The following PPP2R3C variants were observed in gnomAD, a reference collection of about 807,000 sequenced individuals.
PPP2R3C encodes the protein serine/threonine-protein phosphatase 2A regulatory subunit B'' subunit gamma.
Under a neutral mutation model 63.7 loss-of-function variants are expected in PPP2R3C, and 47 were observed. That is an observed-to-expected ratio of 0.74 (90% CI 0.58 to 0.94). The LOEUF (loss-of-function observed/expected upper bound fraction) is 0.94, where lower values mean the gene tolerates loss of function less well. PPP2R3C is among the 40% of genes least tolerant of loss of function. PPP2R3C has a pLI of 0.00. For missense variants in PPP2R3C, 421 were observed against 518.4 expected, an observed-to-expected ratio of 0.81 and a Z score of 1.82; for synonymous variants, 180 against 177.4, an observed-to-expected ratio of 1.01 and a Z score of -0.12.
At position 35,099,218 on chromosome 14, in the gene PPP2R3C, C is replaced by T. The variant is rs76597992; in HGVS notation, c.706+34G>A. The T allele has an allele frequency of 8.1e-3, 12,194 of 1,500,400 alleles. 54 individuals are homozygous for T. Among genetic ancestry groups the T allele is most frequent in the Non-Finnish European group, 0.01 (11,331 of 1,130,156 alleles). 92.9% of individuals were successfully genotyped at this position (1,500,400 alleles called of 1,614,324 possible). ...TGAGATTTAGATATAATAATATCCT[C>T]ATAATATCTAAGTTAGATAAGATTT... On this transcript the variant is annotated intron_variant, in intron 7 of 12. Transcript: ENST00000261475.
chr14:35,085,730 G>T lies in PPP2R3C; in HGVS notation c.1222C>A (p.Leu408Ile), dbSNP rs2045570705. Reference protein sequence around the residue: ...VKPKDPLKISLQDLINSNQGD... With the variant: ...VKPKDPLKISIQDLINSNQGD... Reference sequence around the variant, plus strand: ...TGATTACTGTTGATTAAATCCTGAAGAGAGATTTTCAAAGGATCCTTTGGT... The same window carrying T: ...TGATTACTGTTGATTAAATCCTGAATAGAGATTTTCAAAGGATCCTTTGGT... The change falls in exon 13 of 13, where the codon CTT becomes ATT. Residue 408 changes from leucine to isoleucine, a missense_variant. Transcript: ENST00000261475. 1 of 1,611,278 alleles carries T rather than the reference G, an allele frequency of 6.2e-7. No homozygotes were observed. Among genetic ancestry groups the T allele is most frequent in the South Asian group, 1.1e-5 (1 of 90,582 alleles).
chr14:35,100,109 TAC>T (rs1465484365), intron 6 of PPP2R3C: 2 of 152,058 alleles, frequency 1.3e-5, no homozygotes. Context: ...TAATATATTT[TAC>T]AGTTATTCCA....
Position 35,091,076 on chromosome 14 carries a change from G to T in PPP2R3C, c.1107C>A (p.Phe369Leu), listed in dbSNP as rs542312104. The T allele has an allele frequency of 3.1e-6, 5 of 1,601,614 alleles. No homozygotes were observed. Among genetic ancestry groups the T allele is most frequent in the Admixed American group, 1.7e-5 (1 of 58,720 alleles). The change falls in exon 11 of 13, where the codon TTC (phenylalanine) becomes TTA (leucine). Residue 369 changes from phenylalanine to leucine, a missense_variant. Coordinates refer to ENST00000261475, the MANE Select transcript of PPP2R3C (RefSeq NM_017917.4). Reference protein sequence around the residue: ...GYLNVFSLNYFFRAIQELMKI... With the variant: ...GYLNVFSLNYLFRAIQELMKI... ...TTATGCAAATGAGACTTACCCTAAAGAAATAATTAAGTGAAAAGACATTCA... is the reference window on the plus strand; with the variant it reads ...TTATGCAAATGAGACTTACCCTAAATAAATAATTAAGTGAAAAGACATTCA...
chr14:35,095,047 C>T lies in PPP2R3C; in HGVS notation c.975+1G>A. 1.9e-6 allele frequency: 3 copies of T among 1,603,108 alleles called. No homozygotes were observed. The highest frequency in any genetic ancestry group is 2.6e-6 in the Non-Finnish European group (3 of 1,170,300). ...ACTTAGCAGCAGATTTAAACTACTA[C>T]CATTTCTCCATCATAAGTGAGACAC... On this transcript the variant is annotated splice_donor_variant, in intron 10 of 12. Transcript: ENST00000261475. LOFTEE classifies it high-confidence loss of function.
chr14:35,090,304 C>T (rs976015448), intron 11 of PPP2R3C, among the ~76,000 whole-genome samples: 2 of 144,088 alleles, frequency 1.4e-5, no homozygotes, highest in South Asian at 2.2e-4. Context: ...TGCAGTGACG[C>T]GATTTCAGCT....
intron 12 of PPP2R3C, chr14:35,087,524 C>T (rs568106036): frequency 3.7e-4 from 61 of 165,732 alleles, no homozygotes; most frequent in Admixed American, 1.0e-3. Context: ...CTCAGCCTCC[C>T]GAGTAGCCGG....
chr14:35,085,727 GAAGAGAGAT>G lies in PPP2R3C; in HGVS notation c.1216_1224del (p.Ile406_Leu408del). On this transcript the variant is annotated inframe_deletion, in exon 13 of 13. Coordinates refer to ENST00000261475, the MANE Select transcript of PPP2R3C (RefSeq NM_017917.4). ...CCTTGATTACTGTTGATTAAATCCT[GAAGAGAGAT>G]TTTCAAAGGATCCTTTGGTTTTACC... is the stretch of plus-strand genomic sequence containing the variant. 6.2e-7 allele frequency: 1 copy of G among 1,611,312 alleles called. No individual in the cohort carries two copies.
intron 2 of PPP2R3C, among the ~76,000 whole-genome samples, chr14:35,113,363 A>G (rs771662569): frequency 3.7e-4 from 57 of 152,194 alleles, no homozygotes; most frequent in Non-Finnish European, 7.9e-4. Flanking sequence ...ACAGGAGACC[A>G]TCTAAGATCT....
rs983155816 is a variant in PPP2R3C at position 35,110,018 on chromosome 14, TGA to T, written c.292-89_292-88del. 39 of 980,624 alleles carry T rather than the reference TGA, an allele frequency of 4.0e-5. No homozygotes were observed. The African/African-American group carries it at 5.3e-4, about 13-fold the overall frequency. 60.7% of individuals were successfully genotyped at this position (980,624 alleles called of 1,614,324 possible). A position where few individuals can be genotyped will look rare whatever the true frequency, so the allele number is the denominator to read the frequency against. On this transcript the variant is annotated intron_variant, in intron 3 of 12. Transcript: ENST00000261475. ...GTTAAATGTGTGCTTTCCACTAAAA[TGA>T]GAGTTTGTTGGCAGAGTCAATATTA...
At position 35,108,222 on chromosome 14, in the gene PPP2R3C, G is replaced by T; in HGVS notation, c.419C>A (p.Ala140Glu). ...AGAKCKQFFT[A>E]KVFAKLLHTD... Reference sequence around the variant, plus strand: ...ATGAAGGAGTTTAGCAAAGACTTTTGCTGTGAAAAATTGCCTAAGAAAAGA... The same window carrying T: ...ATGAAGGAGTTTAGCAAAGACTTTTTCTGTGAAAAATTGCCTAAGAAAAGA... Residue 140 changes from alanine to glutamate, a missense_variant, in exon 5 of 13, where the codon GCA becomes GAA. Transcript: ENST00000261475. The T allele has an allele frequency of 6.4e-7, 1 of 1,574,212 alleles. No individual in the cohort carries two copies. Among genetic ancestry groups the T allele is most frequent in the East Asian group, 2.3e-5 (1 of 43,382 alleles).
rs115888064 is a variant in PPP2R3C at position 35,112,473 on chromosome 14, C to T, written c.187-1844G>A. On this transcript the variant is annotated intron_variant, in intron 2 of 12. Coordinates refer to ENST00000261475, the MANE Select transcript of PPP2R3C (RefSeq NM_017917.4). Reference sequence around the variant, plus strand: ...GCCCCATTAAATTACCTCGGTAAACCTTACGTCAAAACTTGGGGTTATGGT... The same window carrying T: ...GCCCCATTAAATTACCTCGGTAAACTTTACGTCAAAACTTGGGGTTATGGT... Among the ~76,000 whole-genome samples, 570 of 152,266 alleles carry T rather than the reference C, an allele frequency of 3.7e-3. 5 individuals are homozygous for T. The highest frequency in any genetic ancestry group is 0.013 in the African/African-American group (546 of 41,540).
chr14:35,110,762 C>T (rs76932844), intron 2 of PPP2R3C, 133 bp from the exon 3 acceptor site: 54,276 of 609,356 alleles, frequency 0.089, 2,838 homozygotes, highest in Middle Eastern at 0.12. Flanking sequence ...TTGTGCTTAA[C>T]ATTTGTTTAA....
intron 7 of PPP2R3C, among the ~76,000 whole-genome samples, chr14:35,096,966 C>T (rs2046019617): frequency 6.6e-6 from 1 of 152,182 alleles, no homozygotes; most frequent in Non-Finnish European, 1.5e-5. Context: ...GTAATTCCAG[C>T]ACTTTGGGAA....
intron 12 of PPP2R3C, chr14:35,086,037 TGAA>T (rs1465382079): frequency 7.9e-6 from 3 of 379,312 alleles, no homozygotes; most frequent in African/African-American, 6.2e-5. Context: ...GTTTTATAGA[TGAA>T]GAAACCAAGG....
intron 1 of PPP2R3C, among the ~76,000 whole-genome samples, chr14:35,117,942 C>G (rs2046755151): frequency 1.3e-5 from 2 of 152,170 alleles, no homozygotes; most frequent in South Asian, 4.1e-4. Context: ...GATCTGCCCA[C>G]CTCGGCCTCC....
chr14:35,101,368 TGAG>T (rs764215275), intron 6 of PPP2R3C: 11 of 152,154 alleles, frequency 7.2e-5, no homozygotes, highest in Middle Eastern at 3.2e-3. Context: ...GAACAGGAAA[TGAG>T]GAGGGCAAGT....
At chr14:35,089,954 C>T (rs191281911) in intron 11 of PPP2R3C, among the ~76,000 whole-genome samples, 27 of 152,110 alleles carry the variant, frequency 1.8e-4, no homozygotes, top group African/African-American at 5.5e-4. Flanking sequence ...CATGAGCCAC[C>T]GCAACCCGGC....
chr14:35,088,082 CT>C, intron 11 of PPP2R3C, 72 bp from the exon 12 acceptor site: 2 of 1,048,450 alleles, frequency 1.9e-6, no homozygotes, highest in Non-Finnish European at 3.0e-6. Flanking sequence ...CCTACAACCC[CT>C]TTCTACTTAT....
intron 10 of PPP2R3C, among the ~76,000 whole-genome samples, chr14:35,093,139 G>T (rs972302239): frequency 1.2e-4 from 18 of 152,100 alleles, no homozygotes. Context: ...CGTCAACCCG[G>T]GAGGCGGAGC....
Sources: gnomAD v4.1 joint callset for allele counts (sites outside exome capture counted in the v4.1 genomes callset) on GRCh38, gnomAD v4.1.1 for gene constraint, MANE v1.5 for transcripts, NCBI Gene and HGNC (gene_info 2026-07-23, HGNC 2026-07-21) for gene names.